The following CNTN5 variants were observed in gnomAD, a reference collection of about 807,000 sequenced individuals.
CNTN5 encodes the protein contactin-5.
Under a neutral mutation model 129.1 loss-of-function variants are expected in CNTN5, and 77 were observed. The observed-to-expected ratio is 0.60, with a 90% CI of 0.50 to 0.72. The LOEUF (loss-of-function observed/expected upper bound fraction) is 0.72. Ranked by LOEUF, CNTN5 falls within the 30% of genes least tolerant of loss-of-function variation. The pLI, the probability that CNTN5 is intolerant of heterozygous loss-of-function variation, is 0.00. For synonymous variants in CNTN5, 509 were observed against 465.6 expected (o/e 1.09, Z -1.20); for missense variants, 1,478 against 1,328.8 (o/e 1.11, Z -1.75).
At chr11:99,149,874 A>C (rs188022710) in intron 1 of CNTN5, among the ~76,000 whole-genome samples, 20 of 152,190 alleles carry the variant, frequency 1.3e-4, no homozygotes, top group Admixed American at 1.3e-3. Flanking sequence ...TTGCAGAATA[A>C]ATTAAGATAA....
At chr11:99,808,170 G>A (rs2135507090) in intron 3 of CNTN5, among the ~76,000 whole-genome samples, 1 of 152,326 alleles carries the variant, frequency 6.6e-6, no homozygotes, top group Middle Eastern at 3.4e-3. Context: ...CAGTTCCACA[G>A]CTGGAAGTTG....
intron 6 of CNTN5, among the ~76,000 whole-genome samples, chr11:99,863,577 C>G (rs1948273215): frequency 6.6e-6 from 1 of 151,850 alleles, no homozygotes; most frequent in Admixed American, 6.6e-5. Flanking sequence ...TTTTGGCTTC[C>G]AAAATAAGAA....
chr11:99,815,176 T>C (rs1024465182), intron 3 of CNTN5, among the ~76,000 whole-genome samples: 1 of 151,090 alleles, frequency 6.6e-6, no homozygotes, highest in East Asian at 1.9e-4. Flanking sequence ...ATATAAGATG[T>C]ACAGAAAAAC....
intron 15 of CNTN5, among the ~76,000 whole-genome samples, chr11:100,206,525 A>C (rs1948916002): frequency 6.6e-6 from 1 of 152,150 alleles, no homozygotes. Flanking sequence ...TATCTTGCTT[A>C]ACATAAGTAT....
At chr11:99,781,911 T>A (rs1212718829) in intron 3 of CNTN5, among the ~76,000 whole-genome samples, 1 of 152,056 alleles carries the variant, frequency 6.6e-6, no homozygotes, top group Admixed American at 6.6e-5. Context: ...CTTTGAAAAC[T>A]GGCAGAAGAC....
intron 18 of CNTN5, among the ~76,000 whole-genome samples, chr11:100,281,184 GT>G (rs1260438425): frequency 6.6e-6 from 1 of 151,998 alleles, no homozygotes; most frequent in Non-Finnish European, 1.5e-5. Context: ...TTACCAATGA[GT>G]TTTTTACATT....
intron 13 of CNTN5, among the ~76,000 whole-genome samples, chr11:100,096,514 G>C (rs534928466): frequency 2.0e-5 from 3 of 151,986 alleles, no homozygotes; most frequent in Admixed American, 6.6e-5. Context: ...CTCCCACCTG[G>C]GAGCTCCATC....
chr11:99,635,366 A>G (rs1951512296), intron 3 of CNTN5, among the ~76,000 whole-genome samples: 1 of 152,162 alleles, frequency 6.6e-6, no homozygotes, highest in Non-Finnish European at 1.5e-5. Flanking sequence ...GATGAGGAAA[A>G]TGTTAACAAA....
At chr11:99,180,670 T>A (rs1417329280) in intron 1 of CNTN5, among the ~76,000 whole-genome samples, 2 of 152,166 alleles carry the variant, frequency 1.3e-5, no homozygotes, top group African/African-American at 2.4e-5. Context: ...ATTTAATATT[T>A]AACTTTCCCT....
At chr11:99,653,631 T>C (rs1952240570) in intron 3 of CNTN5, among the ~76,000 whole-genome samples, 1 of 152,096 alleles carries the variant, frequency 6.6e-6, no homozygotes, top group Admixed American at 6.6e-5. Flanking sequence ...TAAATTGGTC[T>C]GTCACCAAAG....
chr11:99,799,942 AG>A (rs1451210444), intron 3 of CNTN5, among the ~76,000 whole-genome samples: 1 of 151,968 alleles, frequency 6.6e-6, no homozygotes, highest in South Asian at 2.1e-4. Flanking sequence ...TAGTCTGTTG[AG>A]GGTTTCCATT....
intron 1 of CNTN5, among the ~76,000 whole-genome samples, chr11:99,102,599 G>A (rs2135354853): frequency 6.6e-6 from 1 of 152,180 alleles, no homozygotes; most frequent in East Asian, 1.9e-4. Context: ...CAATCTCCTT[G>A]CTAAAACATA....
chr11:100,267,278 CA>C (rs1950323826), intron 17 of CNTN5, among the ~76,000 whole-genome samples: 1 of 136,410 alleles, frequency 7.3e-6, no homozygotes, highest in African/African-American at 3.0e-5. Context: ...CACACACACA[CA>C]CAGAGAGAGA....
chr11:99,625,806 A>G (rs1000450097), intron 3 of CNTN5, among the ~76,000 whole-genome samples: 4 of 151,830 alleles, frequency 2.6e-5, no homozygotes, highest in Admixed American at 6.6e-5. Context: ...CATGAAAGAT[A>G]CTTTTTAGAT....
intron 1 of CNTN5, among the ~76,000 whole-genome samples, chr11:99,245,190 TTGAA>T (rs1432209210): frequency 6.6e-5 from 10 of 152,234 alleles, no homozygotes; most frequent in African/African-American, 2.2e-4. Flanking sequence ...TGGTCGTTCT[TTGAA>T]TGTGTCTAGC....
intron 1 of CNTN5, among the ~76,000 whole-genome samples, chr11:99,190,274 C>T (rs908657281): frequency 6.6e-6 from 1 of 151,598 alleles, no homozygotes; most frequent in Non-Finnish European, 1.5e-5. Context: ...TATGGCAGTA[C>T]CAGGCTGTTT....
intron 1 of CNTN5, among the ~76,000 whole-genome samples, chr11:99,293,235 C>CA (rs1864243959): frequency 6.6e-6 from 1 of 152,078 alleles, no homozygotes; most frequent in East Asian, 1.9e-4. Context: ...CATTATCTCA[C>CA]AATGTATGTA....
intron 3 of CNTN5, among the ~76,000 whole-genome samples, chr11:99,673,755 G>A (rs986280774): frequency 1.8e-4 from 8 of 44,600 alleles, no homozygotes; most frequent in African/African-American, 4.6e-4. Flanking sequence ...CTCCACCTGT[G>A]TCCCTGCAGA....
At chr11:99,620,774 ACT>A (rs1950922674) in intron 3 of CNTN5, among the ~76,000 whole-genome samples, 2 of 151,840 alleles carry the variant, frequency 1.3e-5, no homozygotes, top group South Asian at 4.2e-4. Context: ...AAAATAGGGG[ACT>A]CTCAAAAATC....
Sources: gnomAD v4.1 joint callset for allele counts (sites outside exome capture counted in the v4.1 genomes callset) on GRCh38, gnomAD v4.1.1 for gene constraint, MANE v1.5 for transcripts, NCBI Gene and HGNC (gene_info 2026-07-23, HGNC 2026-07-21) for gene names.